PGBD5: variants seen among roughly 807,000 people sequenced by gnomAD.
The protein encoded by PGBD5 is piggyBac transposable element derived 5.
PGBD5 carries 14 observed loss-of-function variants against 47.9 expected under a neutral mutation model. The ratio of observed to expected loss-of-function variants is 0.29; its 90% CI spans 0.19 to 0.46. PGBD5 has a LOEUF of 0.46. PGBD5 is among the 20% of genes least tolerant of loss of function. The pLI, the probability that PGBD5 is intolerant of heterozygous loss-of-function variation, is 1.00. For synonymous variants in PGBD5, 316 were observed against 306.3 expected (o/e 1.03, Z -0.33); for missense variants, 635 against 716.0 (o/e 0.89, Z 1.29).
At chr1:230,335,092 C>T (rs996067882) in intron 4 of PGBD5, among the ~76,000 whole-genome samples, 2 of 140,836 alleles carry the variant, frequency 1.4e-5, no homozygotes, top group African/African-American at 2.5e-5. Context: ...CACACAGGTA[C>T]ACACACAGAC....
rs1558192792 is a variant in PGBD5, at chr1:230,335,784, CACACACAGGCACAA to C, written c.1075+1310_1075+1323del. Among the ~76,000 whole-genome samples the C allele has an allele frequency of 2.3e-4, 27 of 115,604 alleles. 1 individual carries two copies. Among genetic ancestry groups the C allele is most frequent in the African/African-American group, 4.2e-4 (13 of 30,928 alleles). The allele number at this position is 115,604 out of a possible 152,430, so 75.8% of individuals were successfully genotyped here. A position where few individuals can be genotyped will look rare whatever the true frequency, so the allele number is the denominator to read the frequency against. On this transcript the variant is annotated intron_variant, in intron 4 of 6. Coordinates refer to ENST00000391860, the MANE Select transcript of PGBD5 (RefSeq NM_001258311.2). ...ACACAGATACAGACAGACACACACA[CACACACAGGCACAA>C]AGACACACAGACACATACACTGACA...
At chr1:230,394,733 ATCCCTACC>A (rs1258197012) in intron 1 of PGBD5, among the ~76,000 whole-genome samples, 7 of 97,034 alleles carry the variant, frequency 7.2e-5, no homozygotes, top group African/African-American at 2.4e-4. Context: ...CTCCTCTCTC[ATCCCTACC>A]CTCCTCCCCT....
In PGBD5 at chr1:230,319,875, G is replaced by A. The variant is rs1403817332; in HGVS notation, c.*3550C>T. 6.3e-5 allele frequency: 9 copies of A among 142,532 alleles called. No homozygotes were observed. Among genetic ancestry groups the A allele is most frequent in the Non-Finnish European group, 9.2e-5 (6 of 65,272 alleles). 8.8% of individuals were successfully genotyped at this position (142,532 alleles called of 1,614,324 possible). ...TTTTTTTTTTTTTTTTTTTTGTGGCGGGGTGGGGGTTGGAGTCTCGCTCTG... is the reference window on the plus strand; with the variant it reads ...TTTTTTTTTTTTTTTTTTTTGTGGCAGGGTGGGGGTTGGAGTCTCGCTCTG... On this transcript the variant is annotated 3_prime_UTR_variant, in exon 7 of 7. Coordinates refer to ENST00000391860, the MANE Select transcript of PGBD5 (RefSeq NM_001258311.2).
Position 230,357,608 on chromosome 1 carries a change from G to GGAGTGCAA in PGBD5, c.332-295_332-288dup, listed in dbSNP as rs1169340418. On this transcript the variant is annotated intron_variant, in intron 1 of 6. Coordinates refer to ENST00000391860, the MANE Select transcript of PGBD5 (RefSeq NM_001258311.2). This position sits in a 1 kb window ranked among gnomAD's most constrained non-coding sequence, Gnocchi z 5.7. ...ACAGGAACAAACAGCCCTGACACCC[G>GGAGTGCAA]GAGTGCAAGCTGCAGCCTGCATCTC... Among the ~76,000 whole-genome samples the GGAGTGCAA allele has an allele frequency of 1.3e-5, 2 of 152,130 alleles. No homozygotes were observed. Among genetic ancestry groups the GGAGTGCAA allele is most frequent in the Non-Finnish European group, 2.9e-5 (2 of 68,026 alleles).
chr1:230,389,451 G>A (rs924259626), intron 1 of PGBD5, among the ~76,000 whole-genome samples: 1 of 152,210 alleles, frequency 6.6e-6, no homozygotes, highest in Admixed American at 6.5e-5. Context: ...GGGATTACAG[G>A]CTTGAGCCAC....
intron 3 of PGBD5, among the ~76,000 whole-genome samples, chr1:230,341,407 C>T (rs1188803789): frequency 6.6e-6 from 1 of 152,168 alleles, no homozygotes; most frequent in South Asian, 2.1e-4. Flanking sequence ...GAGCAACCTC[C>T]AGTGAAGTCT....
intron 1 of PGBD5, among the ~76,000 whole-genome samples, chr1:230,370,827 G>C (rs1667917092): frequency 6.6e-6 from 1 of 152,212 alleles, no homozygotes; most frequent in African/African-American, 2.4e-5. Context: ...GGCACGGAAA[G>C]CCAAGAGCCC....
At position 230,380,533 on chromosome 1, in the gene PGBD5, C is replaced by G. The variant is rs1656435879; in HGVS notation, c.332-23212G>C. ...CCAGCACCTCCTTCCCCTCCCGGCT[C>G]TCCAAGTGGACATAAGCAACAGCCC... On this transcript the variant is annotated intron_variant, in intron 1 of 6. Transcript: ENST00000391860. 2.0e-5 allele frequency among the ~76,000 whole-genome samples: 3 copies of G among 152,202 alleles called. No homozygotes were observed. In the South Asian group the frequency reaches 6.2e-4, roughly 32 times the overall value.
At chr1:230,346,833 G>A (rs1035700288) in intron 3 of PGBD5, among the ~76,000 whole-genome samples, 10 of 152,018 alleles carry the variant, frequency 6.6e-5, no homozygotes, top group African/African-American at 1.9e-4. Flanking sequence ...TATTTTTAAC[G>A]TGTCCATCTC....
intron 1 of PGBD5, among the ~76,000 whole-genome samples, chr1:230,367,363 G>A (rs991389842): frequency 3.3e-5 from 5 of 152,166 alleles, no homozygotes; most frequent in Non-Finnish European, 5.9e-5. Context: ...AGGCAATGGA[G>A]AAAGGGACCA....
intron 1 of PGBD5, among the ~76,000 whole-genome samples, chr1:230,370,965 T>C (rs1373039159): frequency 6.6e-6 from 1 of 152,204 alleles, no homozygotes; most frequent in Non-Finnish European, 1.5e-5. Flanking sequence ...TTTCCTGGTG[T>C]GCCCTCAGGG....
In PGBD5 at chr1:230,315,979, T is replaced by TATGTGTATACATAC. The variant is rs1491337204; in HGVS notation, c.*7432_*7445dup. ...ATAAGTATATGTGTACACATATATG[T>TATGTGTATACATAC]ATGTGTATACATACATAAGTATATG... On this transcript the variant is annotated 3_prime_UTR_variant, in exon 7 of 7. Transcript: ENST00000391860. 1 of 145,500 alleles carries TATGTGTATACATAC rather than the reference T, an allele frequency of 6.9e-6. No homozygotes were observed. The highest frequency in any genetic ancestry group is 2.5e-5 in the African/African-American group (1 of 40,004). The allele number at this position is 145,500 out of a possible 1,614,324, so 9.0% of individuals were successfully genotyped here.
rs565561603 is a variant in PGBD5, at chr1:230,377,682, C to T, written c.332-20361G>A. 2.5e-5 allele frequency: 36 copies of T among 1,445,894 alleles called. No individual in the cohort carries two copies. The East Asian group carries it at 7.1e-4, about 29-fold the overall frequency. The allele number at this position is 1,445,894 out of a possible 1,614,324, so 89.6% of individuals were successfully genotyped here. A position where few individuals can be genotyped will look rare whatever the true frequency, so the allele number is the denominator to read the frequency against. On this transcript the variant is annotated intron_variant, in intron 1 of 6. Coordinates refer to ENST00000391860, the MANE Select transcript of PGBD5 (RefSeq NM_001258311.2). ...CATAATCCCACACAGCCTTCATTTC[C>T]CCATCTGTAAAATGGCAAAGATTAG...
In PGBD5 at chr1:230,367,540, C is replaced by T. The variant is rs142670715; in HGVS notation, c.332-10219G>A. Among the ~76,000 whole-genome samples the T allele has an allele frequency of 5.9e-3, 903 of 152,204 alleles. 8 individuals are homozygous for T. The highest frequency in any genetic ancestry group is 0.014 in the Middle Eastern group (4 of 294). ...AAGATAGTGATACCCCATCTCTACACACACACAAAAAGTCTGGTGTGGTGG... is the reference window on the plus strand; with the variant it reads ...AAGATAGTGATACCCCATCTCTACATACACACAAAAAGTCTGGTGTGGTGG... On this transcript the variant is annotated intron_variant, in intron 1 of 6. Coordinates refer to ENST00000391860, the MANE Select transcript of PGBD5 (RefSeq NM_001258311.2).
At chr1:230,372,273 C>T (rs1337823077) in intron 1 of PGBD5, among the ~76,000 whole-genome samples, 2 of 152,200 alleles carry the variant, frequency 1.3e-5, no homozygotes, top group Non-Finnish European at 2.9e-5. Flanking sequence ...GTTTACAGAG[C>T]AGTTTCGTTG....
chr1:230,396,253 C>T (rs947424584), intron 1 of PGBD5, among the ~76,000 whole-genome samples: 1 of 8,264 alleles, frequency 1.2e-4, no homozygotes, highest in Non-Finnish European at 2.2e-4. Flanking sequence ...TCCCTTTTAC[C>T]CCCACACTCC....
chr1:230,386,279 A>G (rs944419927), intron 1 of PGBD5, among the ~76,000 whole-genome samples: 1 of 151,792 alleles, frequency 6.6e-6, no homozygotes, highest in African/African-American at 2.4e-5. Context: ...TGATTGTGCC[A>G]CTGCACTCCA....
In PGBD5 at chr1:230,378,179, G is replaced by C. The variant is rs1668044531; in HGVS notation, c.332-20858C>G. Among the ~76,000 whole-genome samples, 4 of 152,182 alleles carry C rather than the reference G, an allele frequency of 2.6e-5. No homozygotes were observed. The South Asian group carries it at 8.3e-4, about 32-fold the overall frequency. On this transcript the variant is annotated intron_variant, in intron 1 of 6. Coordinates refer to ENST00000391860, the MANE Select transcript of PGBD5 (RefSeq NM_001258311.2). Reference sequence around the variant, plus strand: ...ATGAGGATTTTAAGCTACCACATGGGACCTAGTATTGGACTGCTTCTATGC... The same window carrying C: ...ATGAGGATTTTAAGCTACCACATGGCACCTAGTATTGGACTGCTTCTATGC...
Position 230,332,995 on chromosome 1 carries a change from G to A in PGBD5, c.1122C>T (p.Thr374=), listed in dbSNP as rs138865438. ...GLLRARKSDC[T]GLPLSMLTNP... The stretch of plus-strand genomic sequence containing the variant: ...TGGTCAGCATGGACAGTGGGAGGCC[G>A]GTGCAGTCACTCTTCCGCGCGCGGA... The change falls in exon 5 of 7, where the codon ACC becomes ACT. Residue 374 remains threonine, a synonymous_variant. Coordinates refer to ENST00000391860, the MANE Select transcript of PGBD5 (RefSeq NM_001258311.2). The A allele has an allele frequency of 1.3e-4, 206 of 1,612,596 alleles. No homozygotes were observed. The highest frequency in any genetic ancestry group is 1.7e-4 in the Non-Finnish European group (196 of 1,179,378).
Sources: gnomAD v4.1 joint callset for allele counts (sites outside exome capture counted in the v4.1 genomes callset) on GRCh38, gnomAD v4.1.1 for gene constraint, Gnocchi (gnomAD v3.1) non-coding constraint, MANE v1.5 for transcripts, NCBI Gene and HGNC (gene_info 2026-07-23, HGNC 2026-07-21) for gene names.